PLCB1: variants seen among roughly 807,000 people sequenced by gnomAD.
PLCB1 encodes the protein phospholipase C beta 1.
In PLCB1, 46 loss-of-function variants were observed where a neutral mutation model predicts 161.8. The ratio of observed to expected loss-of-function variants is 0.28; its 90% CI spans 0.22 to 0.36. The LOEUF (loss-of-function observed/expected upper bound fraction) is 0.36. Among genes scored for constraint, PLCB1 ranks in the 10% least tolerant of loss-of-function variants. The pLI is 1.00. For synonymous variants in PLCB1, 517 were observed against 503.7 expected, an observed-to-expected ratio of 1.03 and a Z score of -0.35; for missense variants, 1,016 against 1,472.5, an observed-to-expected ratio of 0.69 and a Z score of 5.07.
chr20:8,191,625 GA>G (rs1445132352), intron 2 of PLCB1, among the ~76,000 whole-genome samples: 2 of 151,990 alleles, frequency 1.3e-5, no homozygotes, highest in African/African-American at 4.8e-5. Context: ...AAATGAAAAT[GA>G]ATGACTACTA....
At chr20:8,743,239 GT>G (rs924652106) in intron 23 of PLCB1, among the ~76,000 whole-genome samples, 1 of 152,034 alleles carries the variant, frequency 6.6e-6, no homozygotes, top group Admixed American at 6.6e-5. Context: ...CCCAGGTGGG[GT>G]TTTTTTGAGG....
chr20:8,439,952 G>A (rs191252940), intron 3 of PLCB1, among the ~76,000 whole-genome samples: 3 of 152,066 alleles, frequency 2.0e-5, no homozygotes, highest in Non-Finnish European at 2.9e-5. Flanking sequence ...CTTAGGATTT[G>A]TAGGCTTATA....
At chr20:8,509,729 CATAGATAGATAGATAGATAGATAG>C (rs11468649) in intron 3 of PLCB1, among the ~76,000 whole-genome samples, 12 of 148,038 alleles carry the variant, frequency 8.1e-5, no homozygotes, top group Middle Eastern at 3.4e-3. Flanking sequence ...ATAGGCAGAT[CATAGATAGATAGATAGATAGATAG>C]ATAGATAGAT....
chr20:8,167,268 C>A (rs2051685302), intron 2 of PLCB1, among the ~76,000 whole-genome samples: 2 of 152,148 alleles, frequency 1.3e-5, no homozygotes, highest in South Asian at 4.1e-4. Context: ...TGTAGGAACT[C>A]CAAGACTATT....
rs1988088082 is a variant in PLCB1, at chr20:8,883,986, A to G, written c.*2137A>G. 1 of 152,450 alleles carries G rather than the reference A, an allele frequency of 6.6e-6. No homozygotes were observed. Among genetic ancestry groups the G allele is most frequent in the African/African-American group, 2.4e-5 (1 of 41,460 alleles). 9.4% of individuals were successfully genotyped at this position (152,450 alleles called of 1,614,324 possible). A position where few individuals can be genotyped will look rare whatever the true frequency, so the allele number is the denominator to read the frequency against. On this transcript the variant is annotated 3_prime_UTR_variant, in exon 32 of 32. Transcript: ENST00000338037. ...ATAATAGCATTCATAACCAAACACA[A>G]TGATGATTATTGCAGAACATTGTAT...
intron 2 of PLCB1, among the ~76,000 whole-genome samples, chr20:8,266,168 A>C (rs1981946874): frequency 6.6e-6 from 1 of 152,204 alleles, no homozygotes; most frequent in Non-Finnish European, 1.5e-5. Context: ...CCAGAACTTC[A>C]GGCTTACAAC....
intron 26 of PLCB1, among the ~76,000 whole-genome samples, chr20:8,769,666 T>C (rs1182723036): frequency 6.6e-6 from 1 of 152,228 alleles, no homozygotes; most frequent in Non-Finnish European, 1.5e-5. Flanking sequence ...TCTCAAAAGC[T>C]TGACTGATAA....
intron 2 of PLCB1, among the ~76,000 whole-genome samples, chr20:8,233,395 AG>A (rs1181728746): frequency 6.6e-6 from 1 of 152,176 alleles, no homozygotes; most frequent in Non-Finnish European, 1.5e-5. Flanking sequence ...ACTGTGTGCC[AG>A]GCAAGGTGCT....
intron 2 of PLCB1, among the ~76,000 whole-genome samples, chr20:8,240,987 G>A (rs1980580969): frequency 6.6e-6 from 1 of 151,874 alleles, no homozygotes; most frequent in African/African-American, 2.4e-5. Flanking sequence ...TGGGTTTTGG[G>A]AAACTATGGT....
chr20:8,402,296 C>T (rs1462985095), intron 3 of PLCB1, among the ~76,000 whole-genome samples: 1 of 152,030 alleles, frequency 6.6e-6, no homozygotes, highest in Non-Finnish European at 1.5e-5. Flanking sequence ...TAGCATACTA[C>T]TTTTATGCAA....
intron 19 of PLCB1, among the ~76,000 whole-genome samples, chr20:8,736,624 C>G (rs934701883): frequency 2.6e-5 from 4 of 152,092 alleles, no homozygotes; most frequent in African/African-American, 4.8e-5. Context: ...ATGAAACTTA[C>G]AATTATGGTG....
At chr20:8,608,609 T>C (rs889601065) in intron 3 of PLCB1, among the ~76,000 whole-genome samples, 5 of 152,136 alleles carry the variant, frequency 3.3e-5, no homozygotes, top group Non-Finnish European at 7.4e-5. Context: ...GATACTTAGA[T>C]TTATAGGGTA....
chr20:8,772,457 A>G lies in PLCB1; in HGVS notation c.2931-2082A>G, dbSNP rs77934055. Among the ~76,000 whole-genome samples the G allele has an allele frequency of 7.5e-3, 1,136 of 152,202 alleles. 10 individuals are homozygous for G. Among genetic ancestry groups the G allele is most frequent in the African/African-American group, 0.024 (1,006 of 41,518 alleles). On this transcript the variant is annotated intron_variant, in intron 26 of 31. Transcript: ENST00000338037. Reference sequence around the variant, plus strand: ...CACCTCCATGCTGTGTCCTTGGCCAATTATCTCACAGAGCCGTGGTTTCCT... The same window carrying G: ...CACCTCCATGCTGTGTCCTTGGCCAGTTATCTCACAGAGCCGTGGTTTCCT...
intron 3 of PLCB1, among the ~76,000 whole-genome samples, chr20:8,448,981 G>A (rs1404194086): frequency 1.3e-5 from 2 of 152,160 alleles, no homozygotes; most frequent in African/African-American, 4.8e-5. Flanking sequence ...ACTAGTGAAT[G>A]TGATACTTCA....
intron 3 of PLCB1, among the ~76,000 whole-genome samples, chr20:8,533,172 G>A (rs902673861): frequency 5.3e-5 from 8 of 152,034 alleles, no homozygotes; most frequent in Non-Finnish European, 1.2e-4. Flanking sequence ...TTTCATCCAT[G>A]TCCCCAAAAA....
intron 3 of PLCB1, among the ~76,000 whole-genome samples, chr20:8,595,122 TAA>T (rs1342837414): frequency 6.6e-6 from 1 of 152,108 alleles, no homozygotes; most frequent in East Asian, 1.9e-4. Flanking sequence ...TATTATACTT[TAA>T]GTTTTAGGGT....
chr20:8,681,087 T>TGTGTGTGTATATAC (rs1555782778), intron 9 of PLCB1, among the ~76,000 whole-genome samples: 1 of 13,106 alleles, frequency 7.6e-5, no homozygotes, highest in African/African-American at 6.2e-4. Flanking sequence ...TGTGTGTGTG[T>TGTGTGTGTATATAC]ATATATATAT....
chr20:8,322,837 T>C (rs1984977680), intron 2 of PLCB1, among the ~76,000 whole-genome samples: 1 of 152,170 alleles, frequency 6.6e-6, no homozygotes, highest in Non-Finnish European at 1.5e-5. Context: ...ACTTCATCTG[T>C]CAGAGGAAAG....
intron 11 of PLCB1, among the ~76,000 whole-genome samples, chr20:8,703,186 G>A (rs973865904): frequency 6.6e-6 from 1 of 152,194 alleles, no homozygotes; most frequent in African/African-American, 2.4e-5. Flanking sequence ...GCAAACTGGA[G>A]ATGATAATAG....
Sources: allele counts gnomAD v4.1 joint callset (sites outside exome capture counted in the v4.1 genomes callset), GRCh38; gene constraint gnomAD v4.1.1; transcripts MANE v1.5; gene names NCBI Gene and HGNC (gene_info 2026-07-23, HGNC 2026-07-21).